The following PARN variants were observed in gnomAD, a reference collection of about 807,000 sequenced individuals.
PARN encodes the protein poly(A)-specific ribonuclease PARN.
A neutral mutation model predicts 102.8 loss-of-function variants in PARN; 71 were observed. The ratio of observed to expected loss-of-function variants is 0.69; its 90% CI spans 0.57 to 0.84. The LOEUF (loss-of-function observed/expected upper bound fraction) is 0.84, where lower values mean the gene tolerates loss of function less well. Ranked by LOEUF, PARN falls within the 40% of genes least tolerant of loss-of-function variation. PARN has a pLI of 0.00. For missense variants in PARN, 782 were observed against 760.9 expected (o/e 1.03, Z -0.33); for synonymous variants, 261 against 252.9 (o/e 1.03, Z -0.30).
intron 21 of PARN, among the ~76,000 whole-genome samples, chr16:14,496,663 C>G (rs1037881860): frequency 6.6e-6 from 1 of 152,132 alleles, no homozygotes; most frequent in African/African-American, 2.4e-5. Flanking sequence ...ATGGCAGATC[C>G]TAAACGTCAA....
chr16:14,604,074 G>C, intron 11 of PARN, 72 bp downstream of exon 11: 2 of 915,180 alleles, frequency 2.2e-6, no homozygotes, highest in East Asian at 2.6e-5. Flanking sequence ...CATATGATCT[G>C]AAATAGACAG....
chr16:14,513,009 T>C (rs1965280049), intron 21 of PARN, among the ~76,000 whole-genome samples: 4 of 152,096 alleles, frequency 2.6e-5, no homozygotes, highest in Admixed American at 6.5e-5. Context: ...GTTGCAACCT[T>C]TACCTCCAGG....
chr16:14,619,358 C>T (rs1383717338), intron 5 of PARN, among the ~76,000 whole-genome samples: 1 of 150,454 alleles, frequency 6.6e-6, no homozygotes, highest in East Asian at 2.0e-4. Flanking sequence ...CCAGCACTTC[C>T]GGAGGCTGAG....
Position 14,630,132 on chromosome 16 carries a change from G to C in PARN, c.-7C>G. The stretch of plus-strand genomic sequence containing the variant: ...TGCTCCTGATTATCTCCATTCTGCA[G>C]AGTGGCCGGAACCTTGGCCCCACCC... On this transcript the variant is annotated 5_prime_UTR_variant, in exon 1 of 24. Coordinates refer to ENST00000437198, the MANE Select transcript of PARN (RefSeq NM_002582.4). The C allele has an allele frequency of 1.9e-6, 3 of 1,560,386 alleles. No individual in the cohort carries two copies. Among genetic ancestry groups the C allele is most frequent in the Non-Finnish European group, 2.6e-6 (3 of 1,151,346 alleles).
At chr16:14,450,666 G>T (rs781479602) in intron 22 of PARN, among the ~76,000 whole-genome samples, 1 of 152,112 alleles carries the variant, frequency 6.6e-6, no homozygotes, top group Non-Finnish European at 1.5e-5. Flanking sequence ...CTATTGTCCA[G>T]ATCTTAGTTT....
intron 18 of PARN, among the ~76,000 whole-genome samples, chr16:14,561,131 T>A: frequency 8.0e-6 from 1 of 124,924 alleles, no homozygotes. Context: ...CACTCCAGCC[T>A]AAGTGATAAG....
chr16:14,466,153 T>TA (rs974283977), intron 22 of PARN, among the ~76,000 whole-genome samples: 9 of 151,726 alleles, frequency 5.9e-5, no homozygotes, highest in Admixed American at 1.3e-4. Context: ...AAATAAAAGT[T>TA]AAAAAAAATG....
rs188384118 is a variant in PARN at position 14,597,808 on chromosome 16, G to C, written c.840+2096C>G. Among the ~76,000 whole-genome samples the C allele has an allele frequency of 1.5e-3, 232 of 152,124 alleles. 1 individual carries two copies. The highest frequency in any genetic ancestry group is 3.5e-3 in the Admixed American group (53 of 15,264). On this transcript the variant is annotated intron_variant, in intron 12 of 23. Coordinates refer to ENST00000437198, the MANE Select transcript of PARN (RefSeq NM_002582.4). The stretch of plus-strand genomic sequence containing the variant: ...GAAAATGTGAGACAAATTCCAACTG[G>C]CGGACTTCTGACAAAACAGCAATCA...
intron 18 of PARN, among the ~76,000 whole-genome samples, chr16:14,578,839 C>G (rs1370186841): frequency 6.6e-6 from 1 of 152,066 alleles, no homozygotes; most frequent in Non-Finnish European, 1.5e-5. Flanking sequence ...TGGTATGCAT[C>G]TAGGTTTTAC....
At chr16:14,519,199 T>C (rs1343140009) in intron 21 of PARN, among the ~76,000 whole-genome samples, 3 of 150,858 alleles carry the variant, frequency 2.0e-5, no homozygotes, top group Admixed American at 6.6e-5. Flanking sequence ...AGTCCTGATG[T>C]TGTATCAGAA....
chr16:14,617,183 G>T (rs1424938804), intron 6 of PARN, among the ~76,000 whole-genome samples: 1 of 151,366 alleles, frequency 6.6e-6, no homozygotes, highest in Non-Finnish European at 1.5e-5. Flanking sequence ...AGGAGATCGA[G>T]ACCATCCTGG....
intron 21 of PARN, among the ~76,000 whole-genome samples, chr16:14,492,914 A>G (rs1049006928): frequency 6.6e-6 from 1 of 152,152 alleles, no homozygotes; most frequent in Admixed American, 6.5e-5. Flanking sequence ...CATAAAACAG[A>G]CATCTCCACC....
intron 11 of PARN, chr16:14,601,701 T>C (rs1970876456): frequency 6.6e-6 from 1 of 151,966 alleles, no homozygotes; most frequent in African/African-American, 2.4e-5. Flanking sequence ...GGCAGGCAGA[T>C]CACCTGAGGT....
intron 18 of PARN, 32 bp downstream of exon 18, chr16:14,580,842 A>T: frequency 7.4e-7 from 1 of 1,349,132 alleles, no homozygotes; most frequent in Non-Finnish European, 1.1e-6. Context: ...ACAGTGAGAG[A>T]ACTTGGAAAC....
chr16:14,486,247 G>C (rs1200810334), intron 21 of PARN, among the ~76,000 whole-genome samples: 3 of 152,120 alleles, frequency 2.0e-5, no homozygotes, highest in Non-Finnish European at 2.9e-5. Flanking sequence ...TCAGACTATA[G>C]TCTCAGTTAT....
chr16:14,581,318 C>T (rs1446249874), intron 17 of PARN, among the ~76,000 whole-genome samples: 1 of 152,138 alleles, frequency 6.6e-6, no homozygotes, highest in Non-Finnish European at 1.5e-5. Context: ...TCCTAAAGTG[C>T]TGGGATTACA....
At chr16:14,560,429 T>C (rs774295528) in intron 18 of PARN, among the ~76,000 whole-genome samples, 2 of 152,210 alleles carry the variant, frequency 1.3e-5, no homozygotes, top group Non-Finnish European at 2.9e-5. Context: ...GAAATATTAT[T>C]TCCCCACTTA....
chr16:14,528,470 C>T (rs1194701489), intron 21 of PARN, among the ~76,000 whole-genome samples: 1 of 152,222 alleles, frequency 6.6e-6, no homozygotes, highest in Non-Finnish European at 1.5e-5. Flanking sequence ...AAACATGGCC[C>T]TACCTGAGGG....
At chr16:14,523,124 T>C (rs964579218) in intron 21 of PARN, among the ~76,000 whole-genome samples, 2 of 148,380 alleles carry the variant, frequency 1.3e-5, no homozygotes, top group African/African-American at 2.5e-5. Context: ...CAAAAATGAG[T>C]TCAGGACAAA....
Sources: allele counts gnomAD v4.1 joint callset (sites outside exome capture counted in the v4.1 genomes callset), GRCh38; gene constraint gnomAD v4.1.1; transcripts MANE v1.5; gene names NCBI Gene and HGNC (gene_info 2026-07-23, HGNC 2026-07-21).